PCCA: variants seen among roughly 807,000 people sequenced by gnomAD.
The protein encoded by PCCA is propionyl-CoA carboxylase alpha chain, mitochondrial.
PCCA carries 74 observed loss-of-function variants against 101.3 expected under a neutral mutation model. The ratio of observed to expected loss-of-function variants is 0.73; its 90% CI spans 0.61 to 0.89. The LOEUF (loss-of-function observed/expected upper bound fraction) is 0.89. PCCA is among the 40% of genes least tolerant of loss of function. The pLI, the probability that PCCA is intolerant of heterozygous loss-of-function variation, is 0.00. For synonymous variants in PCCA, 294 were observed against 313.6 expected, an observed-to-expected ratio of 0.94 and a Z score of 0.66; for missense variants, 891 against 907.0, an observed-to-expected ratio of 0.98 and a Z score of 0.23.
intron 17 of PCCA, among the ~76,000 whole-genome samples, chr13:100,338,436 A>T (rs1026228104): frequency 6.6e-6 from 1 of 152,098 alleles, no homozygotes; most frequent in Non-Finnish European, 1.5e-5. Flanking sequence ...AATGAGAGTT[A>T]AAAAAGCAAA....
At chr13:100,418,455 G>A (rs2078524960) in intron 19 of PCCA, among the ~76,000 whole-genome samples, 1 of 152,136 alleles carries the variant, frequency 6.6e-6, no homozygotes. Flanking sequence ...ACTTCTGAAT[G>A]TCCCTCTTCT....
chr13:100,289,289 G>GT (rs559215010), intron 12 of PCCA, among the ~76,000 whole-genome samples: 8 of 151,792 alleles, frequency 5.3e-5, no homozygotes, highest in Non-Finnish European at 1.2e-4. Context: ...TAGTTGTTTT[G>GT]TTTTTTTAGT....
intron 9 of PCCA, among the ~76,000 whole-genome samples, chr13:100,261,689 G>A (rs990493100): frequency 6.6e-6 from 1 of 152,064 alleles, no homozygotes; most frequent in Non-Finnish European, 1.5e-5. Flanking sequence ...TATTTTAATA[G>A]TAATGATTTA....
At chr13:100,403,733 C>T (rs776417090) in intron 19 of PCCA, among the ~76,000 whole-genome samples, 4 of 151,970 alleles carry the variant, frequency 2.6e-5, no homozygotes, top group South Asian at 2.1e-4. Flanking sequence ...GGAAAAAAAA[C>T]GGGGGAACAG....
At chr13:100,285,758 C>T (rs558960379) in intron 12 of PCCA, among the ~76,000 whole-genome samples, 2 of 152,264 alleles carry the variant, frequency 1.3e-5, no homozygotes, top group South Asian at 4.1e-4. Flanking sequence ...AATTATAGTC[C>T]AGACTTATGC....
chr13:100,215,539 C>A (rs1215580324), intron 7 of PCCA, among the ~76,000 whole-genome samples: 2 of 152,164 alleles, frequency 1.3e-5, no homozygotes, highest in African/African-American at 4.8e-5. Flanking sequence ...CCCTCAGATA[C>A]CAAAATTTGT....
At chr13:100,302,841 G>C (rs1315823542) in intron 13 of PCCA, 83 bp from the exon 14 acceptor site, 2 of 820,112 alleles carry the variant, frequency 2.4e-6, no homozygotes, top group Admixed American at 3.4e-5. Context: ...ACCTATAAAT[G>C]GTTCTTCATT....
At chr13:100,249,458 C>T (rs184211903) in intron 8 of PCCA, among the ~76,000 whole-genome samples, 2 of 152,290 alleles carry the variant, frequency 1.3e-5, no homozygotes, top group East Asian at 3.9e-4. Context: ...TAGACAATAC[C>T]ATACTGTCTT....
chr13:100,234,274 C>T (rs1252596517), intron 7 of PCCA, among the ~76,000 whole-genome samples: 1 of 152,186 alleles, frequency 6.6e-6, no homozygotes, highest in African/African-American at 2.4e-5. Flanking sequence ...AAACCACTAA[C>T]ATTCTTAAAT....
At chr13:100,175,685 T>C (rs566703009) in intron 6 of PCCA, among the ~76,000 whole-genome samples, 1 of 152,278 alleles carries the variant, frequency 6.6e-6, no homozygotes, top group South Asian at 2.1e-4. Context: ...TGAATATATA[T>C]TGGGAATAAA....
At chr13:100,273,140 A>G in intron 11 of PCCA, 56 bp from the exon 12 acceptor site, 10 of 1,392,738 alleles carry the variant, frequency 7.2e-6, no homozygotes, top group Non-Finnish European at 1.0e-5. Context: ...TAATGCACAC[A>G]AAAGATAACT....
chr13:100,390,882 G>A (rs1358525321), intron 19 of PCCA, among the ~76,000 whole-genome samples: 1 of 152,198 alleles, frequency 6.6e-6, no homozygotes, highest in Non-Finnish European at 1.5e-5. Context: ...TGGTCGTTAA[G>A]AGTGGGCCAT....
rs141702402 is a variant in PCCA, at chr13:100,321,178, AG to A, written c.1430-9381del. ...ACACCAAAGCTGTCATTTCCTATGC[AG>A]GTGAACCTTTCTGGCAAGTGATACC... On this transcript the variant is annotated intron_variant, in intron 16 of 23. Coordinates refer to ENST00000376285, the MANE Select transcript of PCCA (RefSeq NM_000282.4). Among the ~76,000 whole-genome samples, 482 of 152,342 alleles carry A rather than the reference AG, an allele frequency of 3.2e-3. 4 individuals are homozygous for A. The highest frequency in any genetic ancestry group is 0.011 in the African/African-American group (440 of 41,582).
intron 18 of PCCA, among the ~76,000 whole-genome samples, chr13:100,358,852 G>T (rs921202638): frequency 6.6e-6 from 1 of 151,950 alleles, no homozygotes; most frequent in South Asian, 2.1e-4. Flanking sequence ...CTCACTAAAG[G>T]TGTTTAGCCG....
intron 2 of PCCA, among the ~76,000 whole-genome samples, chr13:100,104,021 T>C (rs940226561): frequency 1.3e-5 from 2 of 152,186 alleles, no homozygotes; most frequent in East Asian, 1.9e-4. Context: ...ATTACAATAA[T>C]GTTTGAGCCT....
At chr13:100,154,616 C>T (rs576499656) in intron 4 of PCCA, 1 of 327,114 alleles carries the variant, frequency 3.1e-6, no homozygotes, top group East Asian at 8.2e-5. Context: ...CATGAGTGCT[C>T]TTTATTAAAA....
intron 20 of PCCA, among the ~76,000 whole-genome samples, chr13:100,447,598 G>A (rs1296447901): frequency 2.4e-4 from 36 of 152,008 alleles, no homozygotes; most frequent in Admixed American, 2.4e-3. Context: ...CTTGAACCTG[G>A]GAGGCAGAGG....
chr13:100,282,985 A>G (rs2064262722), intron 12 of PCCA, among the ~76,000 whole-genome samples: 1 of 152,028 alleles, frequency 6.6e-6, no homozygotes, highest in African/African-American at 2.4e-5. Context: ...GTCCCCTTCA[A>G]GCTGTAGGGG....
At chr13:100,090,220 G>C (rs369335625) in intron 1 of PCCA, among the ~76,000 whole-genome samples, 3 of 152,346 alleles carry the variant, frequency 2.0e-5, no homozygotes, top group East Asian at 3.9e-4. Context: ...GGAGGGAACC[G>C]AGCCCCAGGT....
Sources: allele counts gnomAD v4.1 joint callset (sites outside exome capture counted in the v4.1 genomes callset), GRCh38; gene constraint gnomAD v4.1.1; transcripts MANE v1.5; gene names NCBI Gene and HGNC (gene_info 2026-07-23, HGNC 2026-07-21).